SHANK2: variants seen among roughly 807,000 people sequenced by gnomAD.
SHANK2 encodes the protein SH3 and multiple ankyrin repeat domains 2.
SHANK2 carries 43 observed loss-of-function variants against 133.7 expected under a neutral mutation model. The observed-to-expected ratio is 0.32, with a 90% confidence interval of 0.25 to 0.41. SHANK2 has a LOEUF of 0.41. Ranked by LOEUF, SHANK2 falls within the 10% of genes least tolerant of loss-of-function variation. The probability of loss-of-function intolerance (pLI) is 1.00; values close to 1 mark genes in which losing one functional copy is unlikely to be tolerated. For missense variants in SHANK2, 1,994 were observed against 2,235.8 expected, an observed-to-expected ratio of 0.89 and a Z score of 2.18; for synonymous variants, 1,017 against 952.8, an observed-to-expected ratio of 1.07 and a Z score of -1.24.
At chr11:71,211,217 A>T (rs1459174274) in intron 2 of SHANK2, among the ~76,000 whole-genome samples, 1 of 144,260 alleles carries the variant, frequency 6.9e-6, no homozygotes, top group Non-Finnish European at 1.5e-5. Context: ...TTTTTTTGGA[A>T]AAAAACATTG....
rs1005730540 is a variant in SHANK2, at chr11:70,470,098, A to C, written c.*2771T>G. Reference sequence around the variant, plus strand: ...GGGCATGGAATAGGGCCTCGTCCTAACATGTCCCAAAGGGGGAGAACAGTG... The same window carrying C: ...GGGCATGGAATAGGGCCTCGTCCTACCATGTCCCAAAGGGGGAGAACAGTG... On this transcript the variant is annotated 3_prime_UTR_variant, in exon 26 of 26. Coordinates refer to ENST00000601538, the MANE Select transcript of SHANK2 (RefSeq NM_012309.5). 2 of 152,644 alleles carry C rather than the reference A, an allele frequency of 1.3e-5. No individual in the cohort carries two copies. Among genetic ancestry groups the C allele is most frequent in the Non-Finnish European group, 2.9e-5 (2 of 68,040 alleles). 9.5% of individuals were successfully genotyped at this position (152,644 alleles called of 1,614,324 possible).
At chr11:70,626,698 C>G (rs2060909777) in intron 17 of SHANK2, among the ~76,000 whole-genome samples, 2 of 152,194 alleles carry the variant, frequency 1.3e-5, no homozygotes, top group Admixed American at 1.3e-4. Flanking sequence ...AGGCTACTAT[C>G]CCTGTAGTAC....
chr11:70,663,915 A>G (rs1249894974), intron 15 of SHANK2, among the ~76,000 whole-genome samples: 1 of 152,190 alleles, frequency 6.6e-6, no homozygotes, highest in South Asian at 2.1e-4. Context: ...GTTTCCCTGC[A>G]CAGCAAGAGT....
chr11:71,071,822 G>A (rs1014968788), intron 9 of SHANK2, among the ~76,000 whole-genome samples: 36,885 of 152,048 alleles, frequency 0.24, 5,035 homozygotes, highest in Non-Finnish European at 0.29. Flanking sequence ...AGGCCACCAT[G>A]AGCCAACAGG....
At chr11:70,544,928 C>T (rs1554975945) in intron 17 of SHANK2, among the ~76,000 whole-genome samples, 2 of 152,206 alleles carry the variant, frequency 1.3e-5, no homozygotes, top group African/African-American at 4.8e-5. Flanking sequence ...CGCGGGACCA[C>T]GTGGGGCTGC....
At chr11:71,104,364 C>A (rs943055254) in intron 6 of SHANK2, among the ~76,000 whole-genome samples, 9 of 152,166 alleles carry the variant, frequency 5.9e-5, no homozygotes, top group African/African-American at 1.9e-4. Context: ...ACACAGGGCC[C>A]CCCCCATCCT....
chr11:70,659,695 C>T (rs1199854526), intron 17 of SHANK2, 133 bp downstream of exon 17: 2 of 1,103,220 alleles, frequency 1.8e-6, no homozygotes, highest in Non-Finnish European at 2.7e-6. Context: ...AGAAACTGAC[C>T]AATGAAAGTT....
intron 17 of SHANK2, among the ~76,000 whole-genome samples, chr11:70,546,643 C>T (rs577734151): frequency 7.9e-4 from 120 of 152,322 alleles, no homozygotes; most frequent in African/African-American, 2.6e-3. Flanking sequence ...CTCCCCCTGC[C>T]GACTGGGCTG....
intron 14 of SHANK2, chr11:70,706,138 C>G (rs1945658019): frequency 1.3e-5 from 2 of 153,370 alleles, no homozygotes; most frequent in South Asian, 4.0e-4. Context: ...CCTCGGTCCC[C>G]CCAGCCGTGT....
At chr11:71,080,709 G>T (rs1182135117) in intron 8 of SHANK2, among the ~76,000 whole-genome samples, 2 of 152,152 alleles carry the variant, frequency 1.3e-5, no homozygotes, top group African/African-American at 4.8e-5. Context: ...GCTCTCACTG[G>T]GTCAGGAAGT....
intron 14 of SHANK2, among the ~76,000 whole-genome samples, chr11:70,736,515 A>G (rs562336): frequency 0.59 from 90,219 of 152,004 alleles, 28,052 homozygotes; most frequent in African/African-American, 0.8. Context: ...GCCATGGGAG[A>G]ACAGAGGCAG....
chr11:70,547,604 G>A (rs930657756), intron 17 of SHANK2, among the ~76,000 whole-genome samples: 1 of 152,156 alleles, frequency 6.6e-6, no homozygotes, highest in Non-Finnish European at 1.5e-5. Context: ...CCACAGCCCA[G>A]CACAGAGCAG....
intron 10 of SHANK2, among the ~76,000 whole-genome samples, chr11:70,934,794 CCA>C (rs1251297681): frequency 6.6e-6 from 1 of 152,180 alleles, no homozygotes; most frequent in Non-Finnish European, 1.5e-5. Context: ...GATTTTCCTC[CCA>C]GAGACCAGTG....
chr11:70,940,342 G>A (rs1186469279), intron 10 of SHANK2, among the ~76,000 whole-genome samples: 3 of 151,324 alleles, frequency 2.0e-5, no homozygotes, highest in African/African-American at 4.9e-5. Context: ...TGCCTCCTGG[G>A]TTCAAGCGAT....
chr11:70,530,219 C>T (rs1462909908), intron 17 of SHANK2, among the ~76,000 whole-genome samples: 1 of 152,192 alleles, frequency 6.6e-6, no homozygotes, highest in African/African-American at 2.4e-5. Flanking sequence ...GAATATTACT[C>T]AGCCGTGAAA....
rs1335482955 is a variant in SHANK2 at position 70,479,825 on chromosome 11, G to A, written c.4979+5489C>T. On this transcript the variant is annotated intron_variant, in intron 25 of 25. Transcript: ENST00000601538. This position sits in a 1 kb window ranked among gnomAD's most constrained non-coding sequence, Gnocchi z 4.4. ...TCAGTATCTCTCAATAAAGCTGGAG[G>A]GCACATGACACCTGGGGCTCCTGGG... Among the ~76,000 whole-genome samples the A allele has an allele frequency of 1.3e-5, 2 of 152,166 alleles. No individual in the cohort carries two copies. The highest frequency in any genetic ancestry group is 4.8e-5 in the African/African-American group (2 of 41,412).
At chr11:71,165,234 A>T (rs1319483664) in intron 2 of SHANK2, among the ~76,000 whole-genome samples, 1 of 151,852 alleles carries the variant, frequency 6.6e-6, no homozygotes, top group Non-Finnish European at 1.5e-5. Context: ...GGGTCTCACC[A>T]TGTTGGTCAG....
intron 6 of SHANK2, among the ~76,000 whole-genome samples, chr11:71,095,871 T>C (rs1951601500): frequency 6.6e-6 from 1 of 152,056 alleles, no homozygotes; most frequent in South Asian, 2.1e-4. Flanking sequence ...AGCATCTTCA[T>C]TCATCCTGTC....
chr11:70,638,726 G>C (rs2061138730), intron 17 of SHANK2, among the ~76,000 whole-genome samples: 4 of 152,178 alleles, frequency 2.6e-5, no homozygotes, highest in Admixed American at 2.6e-4. Context: ...TGAGAGTCCA[G>C]CCGGGCACGG....
Sources: allele counts gnomAD v4.1 joint callset (sites outside exome capture counted in the v4.1 genomes callset), GRCh38; gene constraint gnomAD v4.1.1; non-coding constraint Gnocchi (gnomAD v3.1); transcripts MANE v1.5; gene names NCBI Gene and HGNC (gene_info 2026-07-23, HGNC 2026-07-21).